The following LEPR variants were observed in gnomAD, a reference collection of about 807,000 sequenced individuals.
LEPR encodes leptin receptor.
A neutral mutation model predicts 114.7 loss-of-function variants in LEPR; 56 were observed. That is an observed-to-expected ratio of 0.49 (90% confidence interval 0.39 to 0.61). The LOEUF (loss-of-function observed/expected upper bound fraction) is 0.61, where lower values mean the gene tolerates loss of function less well. LEPR is among the 20% of genes least tolerant of loss of function. The pLI is 0.00. For synonymous variants in LEPR, 443 were observed against 461.4 expected (o/e 0.96, Z 0.51); for missense variants, 1,202 against 1,352.9 (o/e 0.89, Z 1.75).
At chr1:65,466,212 G>T (rs1396506891) in intron 2 of LEPR, among the ~76,000 whole-genome samples, 1 of 152,126 alleles carries the variant, frequency 6.6e-6, no homozygotes, top group East Asian at 1.9e-4. Context: ...CTCTTGTAAG[G>T]CAGGCCTAGA....
chr1:65,504,452 T>C (rs1480551798), intron 2 of LEPR, among the ~76,000 whole-genome samples: 1 of 152,212 alleles, frequency 6.6e-6, no homozygotes, highest in East Asian at 1.9e-4. Flanking sequence ...TATGTACTCT[T>C]GTATGATGCA....
intron 5 of LEPR, among the ~76,000 whole-genome samples, chr1:65,585,044 A>T (rs960295941): frequency 6.6e-6 from 1 of 151,964 alleles, no homozygotes; most frequent in Non-Finnish European, 1.5e-5. Flanking sequence ...TTAGCTCTGG[A>T]CCTTCTGAAT....
chr1:65,454,696 C>G (rs1646841923), intron 2 of LEPR, among the ~76,000 whole-genome samples: 1 of 152,296 alleles, frequency 6.6e-6, no homozygotes, highest in South Asian at 2.1e-4. Context: ...CCCAACCTTT[C>G]TCTCTGGCTG....
intron 19 of LEPR, chr1:65,634,706 G>C: frequency 1.0e-6 from 1 of 955,942 alleles, no homozygotes; most frequent in East Asian, 1.2e-4. Flanking sequence ...TGGTTTTTTT[G>C]TATGTATTCC....
intron 2 of LEPR, among the ~76,000 whole-genome samples, chr1:65,458,561 G>A (rs564512928): frequency 1.3e-5 from 2 of 152,210 alleles, no homozygotes; most frequent in Admixed American, 6.5e-5. Context: ...CCTCCAGTAG[G>A]TAAGGGGTTT....
intron 14 of LEPR, 119 bp downstream of exon 14, chr1:65,610,415 C>A: frequency 1.2e-6 from 1 of 850,842 alleles, no homozygotes; most frequent in Non-Finnish European, 1.8e-6. Context: ...ATTTTCATTG[C>A]ATTTATGAGA....
At position 65,621,355 on chromosome 1, in the gene LEPR, G is replaced by A; in HGVS notation, c.2494G>A (p.Asp832Asn). 6.2e-7 allele frequency: 1 copy of A among 1,610,486 alleles called. No individual in the cohort carries two copies. The highest frequency in any genetic ancestry group is 1.7e-5 in the Admixed American group (1 of 59,922). The change falls in exon 18 of 20, where the codon GAT becomes AAT. Residue 832 changes from aspartate to asparagine, a missense_variant and splice_region_variant. Physicochemically the swap from Asp to Asn is conservative, Grantham distance 23. Coordinates refer to ENST00000349533, the MANE Select transcript of LEPR (RefSeq NM_002303.6). ...PKIINSFTQDDIEKHQSDAGL... is the reference protein window; with the variant it reads ...PKIINSFTQDNIEKHQSDAGL... The stretch of plus-strand genomic sequence containing the variant: ...TGTAAATTGTATTTCTTTTTCAGAT[G>A]ATATTGAAAAACACCAGAGTGATGC...
chr1:65,453,222 A>G (rs1225033997), intron 2 of LEPR, among the ~76,000 whole-genome samples: 1 of 152,000 alleles, frequency 6.6e-6, no homozygotes, highest in East Asian at 1.9e-4. Context: ...GATCCTTTCA[A>G]AAAACCAGCT....
chr1:65,433,840 T>G (rs919511713), intron 2 of LEPR: 4 of 985,112 alleles, frequency 4.1e-6, no homozygotes, highest in Non-Finnish European at 4.8e-6. Context: ...GATGTTGCCT[T>G]GCCTGAAAAG....
intron 11 of LEPR, among the ~76,000 whole-genome samples, chr1:65,605,777 A>G (rs1269755476): frequency 6.6e-6 from 1 of 152,226 alleles, no homozygotes; most frequent in African/African-American, 2.4e-5. Flanking sequence ...AAAGATATTA[A>G]GAGAGCCCTT....
At chr1:65,451,433 C>A (rs2100327832) in intron 2 of LEPR, among the ~76,000 whole-genome samples, 1 of 152,006 alleles carries the variant, frequency 6.6e-6, no homozygotes, top group South Asian at 2.1e-4. Context: ...AGTCTTTAAT[C>A]CATCTTGAAT....
At chr1:65,499,233 G>T (rs1315229991) in intron 2 of LEPR, among the ~76,000 whole-genome samples, 1 of 152,058 alleles carries the variant, frequency 6.6e-6, no homozygotes, top group Non-Finnish European at 1.5e-5. Flanking sequence ...GAAAGATGGG[G>T]GGAAATAGAT....
intron 2 of LEPR, among the ~76,000 whole-genome samples, chr1:65,461,669 G>A (rs759604280): frequency 1.3e-5 from 2 of 152,190 alleles, no homozygotes; most frequent in Non-Finnish European, 2.9e-5. Flanking sequence ...CCTCAAGGAG[G>A]TAGAGCATAA....
intron 1 of LEPR, chr1:65,421,369 G>A: frequency 1.3e-6 from 2 of 1,535,394 alleles, no homozygotes; most frequent in African/African-American, 1.4e-5. Flanking sequence ...TTTTGCATGG[G>A]GCAGTTGGTA....
intron 2 of LEPR, among the ~76,000 whole-genome samples, chr1:65,556,042 G>A (rs557773852): frequency 7.9e-5 from 12 of 152,288 alleles, no homozygotes; most frequent in Admixed American, 5.2e-4. Context: ...ATAGCATTAA[G>A]AGGTGGGGCC....
At chr1:65,525,524 G>A (rs1160172103) in intron 2 of LEPR, 10 of 660,238 alleles carry the variant, frequency 1.5e-5, no homozygotes, top group Non-Finnish European at 1.7e-5. Context: ...CGCCCTAGCC[G>A]CTCGAGTCCG....
chr1:65,637,122 A>G lies in LEPR; in HGVS notation c.*107A>G. ...AAAGAAACCAGAGTCAAATTTGAAAATAATTGTTCCAAATGAATGTTGTCT... is the reference window on the plus strand; with the variant it reads ...AAAGAAACCAGAGTCAAATTTGAAAGTAATTGTTCCAAATGAATGTTGTCT... On this transcript the variant is annotated 3_prime_UTR_variant, in exon 20 of 20. Coordinates refer to ENST00000349533, the MANE Select transcript of LEPR (RefSeq NM_002303.6). 8.0e-7 allele frequency: 1 copy of G among 1,254,846 alleles called. No homozygotes were observed. The highest frequency in any genetic ancestry group is 1.5e-5 in the African/African-American group (1 of 66,434). The allele number at this position is 1,254,846 out of a possible 1,614,324, so 77.7% of individuals were successfully genotyped here.
intron 2 of LEPR, among the ~76,000 whole-genome samples, chr1:65,540,806 C>A (rs1394429446): frequency 6.6e-6 from 1 of 152,072 alleles, no homozygotes; most frequent in Non-Finnish European, 1.5e-5. Flanking sequence ...TTCAAGGTAT[C>A]TCAGGAGGGA....
intron 2 of LEPR, among the ~76,000 whole-genome samples, chr1:65,437,026 C>G (rs140972384): frequency 6.6e-6 from 1 of 152,138 alleles, no homozygotes; most frequent in African/African-American, 2.4e-5. Context: ...TCTGACAAAC[C>G]CAGAATTCTC....
Sources: allele counts gnomAD v4.1 joint callset (sites outside exome capture counted in the v4.1 genomes callset), GRCh38; gene constraint gnomAD v4.1.1; transcripts MANE v1.5; gene names NCBI Gene and HGNC (gene_info 2026-07-23, HGNC 2026-07-21).